Variants in PAPPA2 observed in about 807,000 individuals in gnomAD.
PAPPA2 encodes the protein pappalysin 2.
A neutral mutation model predicts 176.4 loss-of-function variants in PAPPA2; 86 were observed. The observed-to-expected ratio is 0.49, with a 90% CI of 0.41 to 0.58. PAPPA2 has a LOEUF of 0.58. Ranked by LOEUF, PAPPA2 falls within the 20% of genes least tolerant of loss-of-function variation. PAPPA2 has a pLI of 0.00. For synonymous variants in PAPPA2, 809 were observed against 852.2 expected (o/e 0.95, Z 0.88); for missense variants, 2,073 against 2,256.9 (o/e 0.92, Z 1.65).
At position 176,702,843 on chromosome 1, in the gene PAPPA2, G is replaced by A. The variant is rs1027326724; in HGVS notation, c.3365+108G>A. ...CAGGGACACTGTTCTCTAAACAGAA[G>A]TTTCAGGAGTTTGACTTGTTTTGGA... On this transcript the variant is annotated intron_variant, in intron 9 of 22. Transcript: ENST00000367662. The A allele has an allele frequency of 7.9e-6, 11 of 1,394,874 alleles. No individual in the cohort carries two copies. The African/African-American group carries it at 1.3e-4, about 16-fold the overall frequency. 86.4% of individuals were successfully genotyped at this position (1,394,874 alleles called of 1,614,324 possible).
intron 1 of PAPPA2, among the ~76,000 whole-genome samples, chr1:176,484,229 T>G (rs577665080): frequency 7.2e-5 from 11 of 152,236 alleles, no homozygotes; most frequent in Non-Finnish European, 1.5e-4. Flanking sequence ...TTTGCTCTTT[T>G]GTAGGTAACA....
At chr1:176,740,474 C>A (rs1292390008) in intron 14 of PAPPA2, among the ~76,000 whole-genome samples, 1 of 152,066 alleles carries the variant, frequency 6.6e-6, no homozygotes, top group Non-Finnish European at 1.5e-5. Flanking sequence ...ATAAAACCAC[C>A]AACTTCAAAT....
At position 176,791,849 on chromosome 1, in the gene PAPPA2, C is replaced by G. The variant is rs186160901; in HGVS notation, c.5020+367C>G. 3.1e-3 allele frequency among the ~76,000 whole-genome samples: 469 copies of G among 152,312 alleles called. 4 individuals carry two copies. The highest frequency in any genetic ancestry group is 5.4e-3 in the Non-Finnish European group (364 of 68,018). On this transcript the variant is annotated intron_variant, in intron 19 of 22. Coordinates refer to ENST00000367662, the MANE Select transcript of PAPPA2 (RefSeq NM_020318.3). ...GAGCCACTGCACCCAGCCCGCCCAG[C>G]TGAATCTCGAATCAGACACTGTTCT...
chr1:176,632,936 G>A (rs773812838), intron 3 of PAPPA2, among the ~76,000 whole-genome samples: 5 of 152,108 alleles, frequency 3.3e-5, no homozygotes, highest in Non-Finnish European at 5.9e-5. Context: ...AGAAGATGAA[G>A]ATGAACAACA....
intron 21 of PAPPA2, among the ~76,000 whole-genome samples, chr1:176,826,555 A>T (rs1666870195): frequency 6.6e-6 from 1 of 152,210 alleles, no homozygotes; most frequent in Admixed American, 6.5e-5. Flanking sequence ...ACAAATCAGG[A>T]TGTGTGGCAG....
chr1:176,762,433 G>T (rs1571288816), intron 14 of PAPPA2, among the ~76,000 whole-genome samples: 1 of 152,128 alleles, frequency 6.6e-6, no homozygotes, highest in Non-Finnish European at 1.5e-5. Context: ...TTTGTGTCTT[G>T]TCTCAACATG....
chr1:176,602,957 A>G (rs1049171077), intron 3 of PAPPA2, among the ~76,000 whole-genome samples: 2 of 152,174 alleles, frequency 1.3e-5, no homozygotes, highest in Non-Finnish European at 2.9e-5. Context: ...TGAAATCCCC[A>G]GTTTCTCTGT....
At chr1:176,678,925 G>T (rs1403154341) in intron 4 of PAPPA2, among the ~76,000 whole-genome samples, 2 of 152,106 alleles carry the variant, frequency 1.3e-5, no homozygotes, top group African/African-American at 4.8e-5. Context: ...AATTGATTTT[G>T]ATCGGTAGAG....
chr1:176,472,485 T>C (rs1651926988), intron 1 of PAPPA2, among the ~76,000 whole-genome samples: 1 of 152,190 alleles, frequency 6.6e-6, no homozygotes, highest in South Asian at 2.1e-4. Context: ...TAGGCTCATC[T>C]TACATATTTT....
At chr1:176,820,992 T>C (rs1666641710) in intron 21 of PAPPA2, among the ~76,000 whole-genome samples, 1 of 152,232 alleles carries the variant, frequency 6.6e-6, no homozygotes, top group Non-Finnish European at 1.5e-5. Context: ...CTTTTTTGTA[T>C]GTGCCTCATA....
At chr1:176,634,028 A>G (rs1423479907) in intron 3 of PAPPA2, among the ~76,000 whole-genome samples, 2 of 152,228 alleles carry the variant, frequency 1.3e-5, no homozygotes, top group Non-Finnish European at 2.9e-5. Context: ...TGTGGAAGAC[A>G]GTGTGGCGAT....
chr1:176,842,261 T>TG, intron 22 of PAPPA2, 119 bp from the exon 23 acceptor site: 1 of 869,650 alleles, frequency 1.1e-6, no homozygotes, highest in Non-Finnish European at 1.8e-6. Flanking sequence ...TTCCAGTTTG[T>TG]GATATTGGCA....
At chr1:176,465,813 G>A (rs962725729) in intron 1 of PAPPA2, among the ~76,000 whole-genome samples, 2 of 151,760 alleles carry the variant, frequency 1.3e-5, no homozygotes, top group African/African-American at 4.8e-5. Context: ...CCACCTTCCG[G>A]TAGGCCCCAG....
intron 1 of PAPPA2, among the ~76,000 whole-genome samples, chr1:176,528,758 A>C (rs1481364078): frequency 1.3e-5 from 2 of 152,160 alleles, no homozygotes; most frequent in East Asian, 3.9e-4. Context: ...TCTACAGTCC[A>C]TGATTTCTTC....
intron 3 of PAPPA2, among the ~76,000 whole-genome samples, chr1:176,637,790 T>C (rs1385002935): frequency 6.6e-6 from 1 of 152,116 alleles, no homozygotes; most frequent in African/African-American, 2.4e-5. Context: ...ATTACGAACA[T>C]GTTGATTTTC....
At chr1:176,481,810 T>C (rs556603031) in intron 1 of PAPPA2, among the ~76,000 whole-genome samples, 1 of 152,270 alleles carries the variant, frequency 6.6e-6, no homozygotes, top group Admixed American at 6.5e-5. Flanking sequence ...GTTTAAGCAA[T>C]TCTCCTGCCT....
chr1:176,553,215 A>G (rs1651067041), intron 1 of PAPPA2, among the ~76,000 whole-genome samples: 1 of 135,758 alleles, frequency 7.4e-6, no homozygotes, highest in African/African-American at 2.7e-5. Context: ...CATTGTTAAA[A>G]GCCTTGAGAG....
At chr1:176,610,618 C>T (rs1447517015) in intron 3 of PAPPA2, among the ~76,000 whole-genome samples, 1 of 152,170 alleles carries the variant, frequency 6.6e-6, no homozygotes, top group African/African-American at 2.4e-5. Context: ...CTGGAATCTG[C>T]ACATTTCTGG....
chr1:176,674,221 G>T (rs74708009), intron 4 of PAPPA2, among the ~76,000 whole-genome samples: 1 of 152,044 alleles, frequency 6.6e-6, no homozygotes, highest in Non-Finnish European at 1.5e-5. Flanking sequence ...AACAGAAGTA[G>T]TACAGCTTAT....
Sources: gnomAD v4.1 joint callset for allele counts (sites outside exome capture counted in the v4.1 genomes callset) on GRCh38, gnomAD v4.1.1 for gene constraint, MANE v1.5 for transcripts, NCBI Gene and HGNC (gene_info 2026-07-23, HGNC 2026-07-21) for gene names.